The following LMBR1 variants were observed in gnomAD, a reference collection of about 807,000 sequenced individuals.
LMBR1 encodes the protein limb development membrane protein 1, also known as limb region 1 protein homolog.
Under a neutral mutation model 73.9 loss-of-function variants are expected in LMBR1, and 52 were observed. The ratio of observed to expected loss-of-function variants is 0.70; its 90% CI spans 0.56 to 0.89. The LOEUF (loss-of-function observed/expected upper bound fraction) is 0.89, where lower values mean the gene tolerates loss of function less well. Among genes scored for constraint, LMBR1 ranks in the 40% least tolerant of loss-of-function variants. The pLI is 0.00. For missense variants in LMBR1, 539 were observed against 579.8 expected, an observed-to-expected ratio of 0.93 and a Z score of 0.72; for synonymous variants, 215 against 209.4, an observed-to-expected ratio of 1.03 and a Z score of -0.23.
intron 8 of LMBR1, among the ~76,000 whole-genome samples, chr7:156,759,289 G>A (rs368134115): frequency 6.6e-6 from 1 of 152,204 alleles, no homozygotes; most frequent in African/African-American, 2.4e-5. Flanking sequence ...GAAACTGTAA[G>A]CAGAACACAG....
intron 1 of LMBR1, among the ~76,000 whole-genome samples, chr7:156,854,376 A>G (rs1009925035): frequency 2.0e-5 from 3 of 152,212 alleles, no homozygotes; most frequent in African/African-American, 2.4e-5. Context: ...ACACTTTTTT[A>G]AAGTTTTTCC....
In LMBR1 at chr7:156,858,896, A is replaced by G. The variant is rs181679956; in HGVS notation, c.67-22011T>C. Reference sequence around the variant, plus strand: ...ATTCTCAGAAACCTGTGAATAAAAAAAAAATTCTCAACTTGATAAAGAATG... The same window carrying G: ...ATTCTCAGAAACCTGTGAATAAAAAGAAAATTCTCAACTTGATAAAGAATG... On this transcript the variant is annotated intron_variant, in intron 1 of 16. Coordinates refer to ENST00000353442, the MANE Select transcript of LMBR1 (RefSeq NM_022458.4). Among the ~76,000 whole-genome samples, 3 of 152,302 alleles carry G rather than the reference A, an allele frequency of 2.0e-5. No individual in the cohort carries two copies. In the East Asian group the frequency reaches 5.8e-4, roughly 29 times the overall value.
chr7:156,725,157 T>C (rs1815471553), intron 14 of LMBR1, among the ~76,000 whole-genome samples: 1 of 152,168 alleles, frequency 6.6e-6, no homozygotes, highest in Admixed American at 6.5e-5. Flanking sequence ...AGCAATACGT[T>C]TTCTTTAGAG....
chr7:156,808,905 A>C (rs1276874075), intron 4 of LMBR1, among the ~76,000 whole-genome samples: 1 of 152,224 alleles, frequency 6.6e-6, no homozygotes, highest in Non-Finnish European at 1.5e-5. Flanking sequence ...CTTCACGTAG[A>C]GCATGAGAAC....
At chr7:156,744,936 A>G (rs6956930) in intron 9 of LMBR1, among the ~76,000 whole-genome samples, 14,480 of 152,100 alleles carry the variant, frequency 0.095, 756 homozygotes, top group East Asian at 0.15. Context: ...CTCTTCTTCC[A>G]TTACCAATGT....
intron 1 of LMBR1, among the ~76,000 whole-genome samples, chr7:156,849,889 G>A (rs965956090): frequency 6.6e-6 from 1 of 152,130 alleles, no homozygotes; most frequent in Non-Finnish European, 1.5e-5. Context: ...CCACTCTGGT[G>A]GGGGATGCTG....
At position 156,684,025 on chromosome 7, in the gene LMBR1, G is replaced by A. The variant is rs927274415; in HGVS notation, c.*53C>T. ...TGCTTCTACATGGGACAGGAATGTC[G>A]TGAATCTGGAGTTCTCGGGTCTCTT... On this transcript the variant is annotated 3_prime_UTR_variant, in exon 17 of 17. Transcript: ENST00000353442. The A allele has an allele frequency of 1.7e-5, 24 of 1,405,452 alleles. No individual in the cohort carries two copies. In the Admixed American group the frequency reaches 2.6e-4, roughly 15 times the overall value. The allele number at this position is 1,405,452 out of a possible 1,614,324, so 87.1% of individuals were successfully genotyped here.
At chr7:156,793,606 T>G (rs999967335) in intron 5 of LMBR1, among the ~76,000 whole-genome samples, 8 of 152,220 alleles carry the variant, frequency 5.3e-5, no homozygotes, top group African/African-American at 1.9e-4. Flanking sequence ...ATGACTGTAC[T>G]GTATTCAGTT....
At chr7:156,744,321 T>C (rs1442492951) in intron 9 of LMBR1, among the ~76,000 whole-genome samples, 1 of 152,040 alleles carries the variant, frequency 6.6e-6, no homozygotes. Context: ...CTGGAATTTT[T>C]CTATGTGAAA....
Position 156,763,793 on chromosome 7 carries a change from T to A in LMBR1, c.426A>T (p.Gly142=). The A allele has an allele frequency of 6.3e-7, 1 of 1,587,378 alleles. No individual in the cohort carries two copies. Residue 142 remains glycine (G), a splice_region_variant and synonymous_variant, in exon 6 of 17, where the codon GGA becomes GGT. Transcript: ENST00000353442. ...AAGTCTCTAAAATGCGGGCTCGGATTCCCTGAAAAATAGAGTAGAAATATA... is the reference window on the plus strand; with the variant it reads ...AAGTCTCTAAAATGCGGGCTCGGATACCCTGAAAAATAGAGTAGAAATATA... The part of the protein sequence containing the change: ...ESEGFAGLKK[G]IRARILETLV...
chr7:156,721,443 C>A (rs1814555756), intron 15 of LMBR1, among the ~76,000 whole-genome samples: 1 of 151,994 alleles, frequency 6.6e-6, no homozygotes, highest in Admixed American at 6.6e-5. Flanking sequence ...GAATTTTGGA[C>A]ATCTATAGAT....
intron 9 of LMBR1, among the ~76,000 whole-genome samples, chr7:156,734,987 G>A (rs1817579902): frequency 6.6e-6 from 1 of 152,176 alleles, no homozygotes; most frequent in Non-Finnish European, 1.5e-5. Context: ...GTTGACAGCT[G>A]AATAACATTC....
At chr7:156,879,902 G>A (rs1800807579) in intron 1 of LMBR1, among the ~76,000 whole-genome samples, 1 of 152,138 alleles carries the variant, frequency 6.6e-6, no homozygotes, top group Non-Finnish European at 1.5e-5. Context: ...ACTGCTGGTG[G>A]GAATGTAAAC....
chr7:156,891,223 TATATATATATAC>T (rs1469425167), intron 1 of LMBR1, among the ~76,000 whole-genome samples: 74 of 66,916 alleles, frequency 1.1e-3, no homozygotes, highest in African/African-American at 3.3e-3. Context: ...TATATATATA[TATATATATATAC>T]ACACACACAC....
At position 156,844,249 on chromosome 7, in the gene LMBR1, G is replaced by A. The variant is rs575673974; in HGVS notation, c.67-7364C>T. 2.4e-4 allele frequency among the ~76,000 whole-genome samples: 36 copies of A among 152,024 alleles called. No individual in the cohort carries two copies. In the South Asian group the frequency reaches 5.6e-3, roughly 24 times the overall value. On this transcript the variant is annotated intron_variant, in intron 1 of 16. Coordinates refer to ENST00000353442, the MANE Select transcript of LMBR1 (RefSeq NM_022458.4). Reference sequence around the variant, plus strand: ...TGAGGCAGGAGAATCGCTTGAACCCGGGAGAAGCAGGTTGCAGTGACCCAA... The same window carrying A: ...TGAGGCAGGAGAATCGCTTGAACCCAGGAGAAGCAGGTTGCAGTGACCCAA...
At chr7:156,714,554 G>C (rs1585331017) in intron 15 of LMBR1, among the ~76,000 whole-genome samples, 1 of 152,354 alleles carries the variant, frequency 6.6e-6, no homozygotes, top group East Asian at 1.9e-4. Flanking sequence ...TAGATCGTAT[G>C]TGTTACCTTA....
intron 4 of LMBR1, among the ~76,000 whole-genome samples, chr7:156,808,310 T>C (rs2133566319): frequency 6.6e-6 from 1 of 152,306 alleles, no homozygotes; most frequent in African/African-American, 2.4e-5. Context: ...CATTAGGCTC[T>C]TTGGGTGAAC....
intron 15 of LMBR1, among the ~76,000 whole-genome samples, chr7:156,689,680 CAAT>C (rs1806755132): frequency 6.6e-6 from 1 of 151,986 alleles, no homozygotes; most frequent in African/African-American, 2.4e-5. Context: ...TGAAAACATA[CAAT>C]AAAATAGCTT....
chr7:156,762,121 A>T lies in LMBR1; in HGVS notation c.684+13T>A, dbSNP rs1280994109. ...TATTTAATAAACAAAATGATTTATA[A>T]TTAAATACTTACTGTTGGCTTCACT... On this transcript the variant is annotated intron_variant, in intron 8 of 16. Transcript: ENST00000353442. The T allele has an allele frequency of 1.3e-6, 2 of 1,517,154 alleles. No individual in the cohort carries two copies. The highest frequency in any genetic ancestry group is 2.7e-5 in the African/African-American group (2 of 72,850). The allele number at this position is 1,517,154 out of a possible 1,614,324, so 94.0% of individuals were successfully genotyped here.
Sources: gnomAD v4.1 joint callset for allele counts (sites outside exome capture counted in the v4.1 genomes callset) on GRCh38, gnomAD v4.1.1 for gene constraint, MANE v1.5 for transcripts, NCBI Gene and HGNC (gene_info 2026-07-23, HGNC 2026-07-21) for gene names.